MCF2L: variants seen among roughly 807,000 people sequenced by gnomAD.
The protein encoded by MCF2L is MCF.2 cell line derived transforming sequence like, also known as guanine nucleotide exchange factor DBS.
In MCF2L, 97 loss-of-function variants were observed where a neutral mutation model predicts 153.4. The ratio of observed to expected loss-of-function variants is 0.63; its 90% CI spans 0.54 to 0.75. The LOEUF is 0.75. Among genes scored for constraint, MCF2L ranks in the 30% least tolerant of loss-of-function variants. MCF2L has a pLI of 0.00. For missense variants in MCF2L, 1,347 were observed against 1,495.2 expected (o/e 0.90, Z 1.64); for synonymous variants, 659 against 632.2 (o/e 1.04, Z -0.64).
chr13:113,084,442 A>G (rs1181924016), intron 18 of MCF2L: 1 of 335,072 alleles, frequency 3.0e-6, no homozygotes, highest in Non-Finnish European at 5.5e-6. Context: ...CTGTGCCCCT[A>G]GAACCATCTG....
At chr13:113,086,909 G>A (rs2034687418) in intron 21 of MCF2L, among the ~76,000 whole-genome samples, 1 of 152,264 alleles carries the variant, frequency 6.6e-6, no homozygotes, top group South Asian at 2.1e-4. Context: ...AGTGACTGAG[G>A]GCCGTTCCCC....
chr13:113,084,764 C>T (rs1035647855), intron 18 of MCF2L, 128 bp from the exon 19 acceptor site: 2 of 746,920 alleles, frequency 2.7e-6, no homozygotes, highest in East Asian at 2.5e-5. Flanking sequence ...AGCAATGCCT[C>T]GCAGGGCCGG....
intron 12 of MCF2L, 137 bp from the exon 13 acceptor site, chr13:113,076,915 C>T (rs533815656): frequency 3.2e-5 from 31 of 962,176 alleles, no homozygotes; most frequent in Middle Eastern, 2.5e-4. Flanking sequence ...GACACAGCTG[C>T]GCTGCGCTGA....
At chr13:112,934,558 C>CTGT (rs1432887910) in intron 2 of MCF2L, among the ~76,000 whole-genome samples, 1 of 150,668 alleles carries the variant, frequency 6.6e-6, no homozygotes, top group African/African-American at 2.5e-5. Flanking sequence ...CCAGGGGATG[C>CTGT]TGCTGCTGCT....
chr13:113,090,104 C>T (rs966071397), intron 26 of MCF2L: 25 of 1,548,990 alleles, frequency 1.6e-5, no homozygotes, highest in South Asian at 1.1e-4. Context: ...GAAAGCTCTG[C>T]GCTTTCCAGA....
chr13:112,988,124 C>T lies in MCF2L; in HGVS notation c.79+18666C>T, dbSNP rs576153772. Reference sequence around the variant, plus strand: ...TGGGGCTGAGACCAGGAGTTTGCACCGATTCAGAGGGAAGTCGACGGCATC... The same window carrying T: ...TGGGGCTGAGACCAGGAGTTTGCACTGATTCAGAGGGAAGTCGACGGCATC... On this transcript the variant is annotated intron_variant, in intron 1 of 29. Coordinates refer to ENST00000535094, the MANE Select transcript of MCF2L (RefSeq NM_001112732.3). Among the ~76,000 whole-genome samples, 14 of 152,166 alleles carry T rather than the reference C, an allele frequency of 9.2e-5. 1 individual carries two copies. Among genetic ancestry groups the T allele is most frequent in the South Asian group, 4.2e-4 (2 of 4,818 alleles).
chr13:112,917,973 T>C (rs2081312643), intron 2 of MCF2L, among the ~76,000 whole-genome samples: 1 of 152,156 alleles, frequency 6.6e-6, no homozygotes, highest in Non-Finnish European at 1.5e-5. Context: ...TCCAGTACCA[T>C]TTCCTGGTCT....
intron 1 of MCF2L, among the ~76,000 whole-genome samples, chr13:113,004,572 C>T (rs910249690): frequency 6.6e-5 from 10 of 152,256 alleles, no homozygotes; most frequent in Non-Finnish European, 1.3e-4. Flanking sequence ...CGTCTGCCTG[C>T]ATCACCGGCT....
intron 3 of MCF2L, among the ~76,000 whole-genome samples, chr13:113,029,743 A>G (rs978347276): frequency 6.6e-6 from 1 of 152,092 alleles, no homozygotes; most frequent in African/African-American, 2.4e-5. Flanking sequence ...GGGAGCTTGG[A>G]CCTTTTCTTC....
intron 2 of MCF2L, among the ~76,000 whole-genome samples, chr13:113,016,721 C>T (rs966125354): frequency 6.6e-6 from 1 of 152,206 alleles, no homozygotes; most frequent in African/African-American, 2.4e-5. Context: ...CACAGCCGGC[C>T]CTCTCCATGC....
At chr13:113,091,284 A>G in intron 26 of MCF2L, 2 of 1,147,056 alleles carry the variant, frequency 1.7e-6, no homozygotes, top group South Asian at 2.6e-5. Flanking sequence ...AAGGCCACCT[A>G]AGGGGGATGC....
rs1187952156 is a variant in MCF2L at position 113,012,493 on chromosome 13, G to A, written c.80-2270G>A. On this transcript the variant is annotated intron_variant, in intron 1 of 29. Coordinates refer to ENST00000535094, the MANE Select transcript of MCF2L (RefSeq NM_001112732.3). ...TGGATGGTGGACAGGCGGTGTGGAC[G>A]GTGGACAGGCTGGGTGGATGGTGGA... is the stretch of plus-strand genomic sequence containing the variant. 1.5e-4 allele frequency among the ~76,000 whole-genome samples: 17 copies of A among 112,352 alleles called. 3 individuals carry two copies. Among genetic ancestry groups the A allele is most frequent in the South Asian group, 4.2e-4 (1 of 2,392 alleles). The allele number at this position is 112,352 out of a possible 152,430, so 73.7% of individuals were successfully genotyped here.
intron 1 of MCF2L, among the ~76,000 whole-genome samples, chr13:113,004,939 T>C (rs1001431952): frequency 1.1e-4 from 17 of 151,966 alleles, no homozygotes; most frequent in African/African-American, 4.1e-4. Context: ...CAGTGTGGGG[T>C]ATGGAGGTTC....
At chr13:112,985,344 C>T (rs1448192646) in intron 1 of MCF2L, 1 of 466,660 alleles carries the variant, frequency 2.1e-6, no homozygotes. Flanking sequence ...GTGGCGAGCC[C>T]AGGGCAGCGC....
intron 2 of MCF2L, 123 bp downstream of exon 2, chr13:113,014,969 C>T: frequency 1.2e-6 from 1 of 807,618 alleles, no homozygotes; most frequent in Non-Finnish European, 2.1e-6. Flanking sequence ...GCTGTGTATT[C>T]ACTGCCTTGG....
chr13:112,917,410 A>G, intron 2 of MCF2L: 1 of 338,302 alleles, frequency 3.0e-6, no homozygotes, highest in Non-Finnish European at 5.9e-6. Context: ...CCTCCAGAAC[A>G]GATCCAGAAT....
At chr13:113,061,028 G>C (rs1252726369) in intron 5 of MCF2L, among the ~76,000 whole-genome samples, 1 of 151,986 alleles carries the variant, frequency 6.6e-6, no homozygotes, top group African/African-American at 2.4e-5. Flanking sequence ...TACAGAACTT[G>C]AGACCCTAAG....
At chr13:112,917,133 C>T in intron 2 of MCF2L, 1 of 471,268 alleles carries the variant, frequency 2.1e-6, no homozygotes, top group South Asian at 1.5e-5. Context: ...GATCTCAGTC[C>T]CCTGGCTTGT....
At position 113,053,193 on chromosome 13, in the gene MCF2L, G is replaced by A. The variant is rs2087483619; in HGVS notation, c.370-7400G>A. Among the ~76,000 whole-genome samples the A allele has an allele frequency of 6.6e-6, 1 of 152,196 alleles. No homozygotes were observed. Among genetic ancestry groups the A allele is most frequent in the Admixed American group, 6.5e-5 (1 of 15,288 alleles). On this transcript the variant is annotated intron_variant, in intron 4 of 29. Transcript: ENST00000535094. This position sits in a 1 kb window ranked among gnomAD's most constrained non-coding sequence, Gnocchi z 4.4. ...TGCCCTCTGGATGCCCACACATGGG[G>A]CTTTCTCCACGTGCCCCGTCATGTC...
Sources: gnomAD v4.1 joint callset for allele counts (sites outside exome capture counted in the v4.1 genomes callset) on GRCh38, gnomAD v4.1.1 for gene constraint, Gnocchi (gnomAD v3.1) non-coding constraint, MANE v1.5 for transcripts, NCBI Gene and HGNC (gene_info 2026-07-23, HGNC 2026-07-21) for gene names.